The following DNAAF6 variants were observed in gnomAD, a reference collection of about 807,000 sequenced individuals.
DNAAF6 encodes the protein PIH1 domain containing 3.
In DNAAF6, 3 loss-of-function variants were observed where a neutral mutation model predicts 13.7. The ratio of observed to expected loss-of-function variants is 0.22; its 90% confidence interval spans 0.10 to 0.56. The LOEUF (loss-of-function observed/expected upper bound fraction) is 0.56, where lower values mean the gene tolerates loss of function less well. Among genes scored for constraint, DNAAF6 ranks in the 20% least tolerant of loss-of-function variants. The pLI is 0.92. For synonymous variants in DNAAF6, 54 were observed against 49.2 expected (o/e 1.10, Z -0.41); for missense variants, 130 against 151.0 (o/e 0.86, Z 0.73).
chrX:107,243,102 A>T, intron 6 of DNAAF6, 67 bp from the exon 7 acceptor site: 1 of 1,126,074 alleles, frequency 8.9e-7, no homozygotes, highest in East Asian at 3.0e-5. Flanking sequence ...TGTTGTTTGC[A>T]ATTGTCTTAT....
At chrX:107,206,783 C>A (rs760024254) in intron 1 of DNAAF6, 93 bp downstream of exon 1, 4 of 110,973 alleles carry the variant, frequency 3.6e-5, no homozygotes, top group African/African-American at 1.3e-4. Flanking sequence ...ATATTTATAA[C>A]TCTGCGAGAT....
rs1009575195 is a variant in DNAAF6 at position 107,243,795 on chromosome X, GA to G, written c.*500del. The G allele has an allele frequency of 8.8e-6, 1 of 113,129 alleles. No individual in the cohort carries two copies. Among genetic ancestry groups the G allele is most frequent in the African/African-American group, 3.2e-5 (1 of 31,019 alleles). The allele number at this position is 113,129 out of a possible 1,213,427, so 9.3% of individuals were successfully genotyped here. ...ATATTTCATGGTCAATTACATAATT[GA>G]AATATGATCATGAAATGGTTGGTCC... is the stretch of plus-strand genomic sequence containing the variant. On this transcript the variant is annotated 3_prime_UTR_variant, in exon 7 of 7. Coordinates refer to ENST00000372453, the MANE Select transcript of DNAAF6 (RefSeq NM_173494.2).
chrX:107,236,909 G>A (rs916120504), intron 5 of DNAAF6, among the ~76,000 whole-genome samples: 1 of 111,660 alleles, frequency 9.0e-6, no homozygotes, highest in Non-Finnish European at 1.9e-5. Flanking sequence ...GACTTTCTTT[G>A]TCGAATAGAA....
chrX:107,236,394 C>T (rs1321022204), intron 5 of DNAAF6, among the ~76,000 whole-genome samples: 1 of 111,722 alleles, frequency 9.0e-6, no homozygotes, highest in Non-Finnish European at 1.9e-5. Context: ...AGGTCTTGAG[C>T]GCAATCAGTT....
At chrX:107,220,060 A>G (rs1928088276) in intron 4 of DNAAF6, among the ~76,000 whole-genome samples, 1 of 111,825 alleles carries the variant, frequency 8.9e-6, no homozygotes, top group Admixed American at 9.5e-5. Context: ...CAGCCTCCCA[A>G]AGTGCTAAGA....
chrX:107,217,532 A>G (rs1406390864), intron 3 of DNAAF6, among the ~76,000 whole-genome samples: 1 of 112,122 alleles, frequency 8.9e-6, no homozygotes, highest in Non-Finnish European at 1.9e-5. Flanking sequence ...CTTATACATT[A>G]ACATCTTTGA....
intron 1 of DNAAF6, among the ~76,000 whole-genome samples, chrX:107,211,757 T>C (rs967487835): frequency 8.0e-5 from 9 of 111,953 alleles, no homozygotes; most frequent in African/African-American, 2.9e-4. Context: ...AAGAAAATCT[T>C]CATATTTTGA....
intron 5 of DNAAF6, among the ~76,000 whole-genome samples, chrX:107,227,341 C>T (rs1928277366): frequency 8.9e-6 from 1 of 111,898 alleles, no homozygotes; most frequent in African/African-American, 3.3e-5. Context: ...ATCCACCTGT[C>T]GGCCTCCCAA....
At chrX:107,235,100 C>T (rs913719956) in intron 5 of DNAAF6, among the ~76,000 whole-genome samples, 1 of 112,034 alleles carries the variant, frequency 8.9e-6, no homozygotes, top group Non-Finnish European at 1.9e-5. Context: ...GCACTTTAAC[C>T]TTCCTTTACC....
At chrX:107,207,768 C>T (rs1386853707) in intron 1 of DNAAF6, among the ~76,000 whole-genome samples, 1 of 111,044 alleles carries the variant, frequency 9.0e-6, no homozygotes, top group Non-Finnish European at 1.9e-5. Context: ...CTGGTCTCCA[C>T]TAAAAATACA....
chrX:107,242,032 A>C (rs925623726), intron 6 of DNAAF6, among the ~76,000 whole-genome samples: 1 of 112,282 alleles, frequency 8.9e-6, no homozygotes, highest in African/African-American at 3.2e-5. Context: ...GATTTAAAGG[A>C]TGGACTCTAC....
At chrX:107,234,413 GA>G (rs750989529) in intron 5 of DNAAF6, among the ~76,000 whole-genome samples, 2 of 111,454 alleles carry the variant, frequency 1.8e-5, no homozygotes, top group East Asian at 2.8e-4. Flanking sequence ...GGCTGCAGTG[GA>G]AAAAAATATC....
chrX:107,229,849 G>A (rs1300436043), intron 5 of DNAAF6, among the ~76,000 whole-genome samples: 2 of 110,043 alleles, frequency 1.8e-5, no homozygotes, highest in African/African-American at 3.3e-5. Flanking sequence ...CACCACGCCC[G>A]GCTAATTTTT....
intron 1 of DNAAF6, among the ~76,000 whole-genome samples, chrX:107,210,040 T>G (rs1223292721): frequency 9.0e-6 from 1 of 111,324 alleles, no homozygotes; most frequent in Non-Finnish European, 1.9e-5. Flanking sequence ...TCCAGTGTTA[T>G]GGTAATGAGC....
intron 2 of DNAAF6, 111 bp downstream of exon 2, chrX:107,213,139 C>A: frequency 4.0e-6 from 3 of 755,172 alleles, no homozygotes; most frequent in Non-Finnish European, 5.5e-6. Context: ...TCATTTGATA[C>A]ATTCACAGGA....
rs141080532 is a variant in DNAAF6, at chrX:107,235,935, C to T, written c.430-2987C>T. 6.4e-3 allele frequency among the ~76,000 whole-genome samples: 691 copies of T among 107,520 alleles called. 2 individuals carry two copies. The highest frequency in any genetic ancestry group is 0.019 in the Middle Eastern group (4 of 212). 93.4% of individuals were successfully genotyped at this position (107,520 alleles called of 115,157 possible). ...TGAGCCCGGGAATTTGAGACCAGCCCGAGCAATATAGCAAGACCCCATCTC... is the reference window on the plus strand; with the variant it reads ...TGAGCCCGGGAATTTGAGACCAGCCTGAGCAATATAGCAAGACCCCATCTC... On this transcript the variant is annotated intron_variant, in intron 5 of 6. Transcript: ENST00000372453.
chrX:107,230,859 T>G (rs1329198639), intron 5 of DNAAF6, among the ~76,000 whole-genome samples: 1 of 111,913 alleles, frequency 8.9e-6, no homozygotes, highest in African/African-American at 3.2e-5. Flanking sequence ...TGTTATGTTC[T>G]GCTTATCCTG....
At chrX:107,230,747 C>CA (rs1476620703) in intron 5 of DNAAF6, among the ~76,000 whole-genome samples, 1 of 111,971 alleles carries the variant, frequency 8.9e-6, no homozygotes, top group Non-Finnish European at 1.9e-5. Flanking sequence ...ACTTACAGAA[C>CA]AAAATCCAAA....
At chrX:107,213,748 A>G (rs1927914842) in intron 2 of DNAAF6, among the ~76,000 whole-genome samples, 1 of 111,637 alleles carries the variant, frequency 9.0e-6, no homozygotes, top group African/African-American at 3.3e-5. Context: ...TTTCTTAACT[A>G]TCGGTGAGCC....
Sources: gnomAD v4.1 joint callset for allele counts (sites outside exome capture counted in the v4.1 genomes callset) on GRCh38, gnomAD v4.1.1 for gene constraint, MANE v1.5 for transcripts, NCBI Gene and HGNC (gene_info 2026-07-23, HGNC 2026-07-21) for gene names.